ASGR1: variants seen among roughly 807,000 people sequenced by gnomAD.
The protein encoded by ASGR1 is C-type lectin domain family 4 member H1.
ASGR1 carries 35 observed loss-of-function variants against 33.1 expected under a neutral mutation model. The ratio of observed to expected loss-of-function variants is 1.06; its 90% confidence interval spans 0.81 to 1.40. The LOEUF (loss-of-function observed/expected upper bound fraction) is 1.40, where lower values mean the gene tolerates loss of function less well. Ranked by LOEUF, ASGR1 falls within the 40% of genes most tolerant of loss-of-function variation. The probability of loss-of-function intolerance (pLI) is 0.00; values close to 1 mark genes in which losing one functional copy is unlikely to be tolerated. For synonymous variants in ASGR1, 142 were observed against 152.5 expected (o/e 0.93, Z 0.51); for missense variants, 396 against 373.7 (o/e 1.06, Z -0.49).
Position 7,173,764 on chromosome 17 carries a change from G to C in ASGR1, c.771C>G (p.His257Gln). The C allele has an allele frequency of 6.2e-7, 1 of 1,613,570 alleles. No homozygotes were observed. The highest frequency in any genetic ancestry group is 8.5e-7 in the Non-Finnish European group (1 of 1,180,014). The change falls in exon 9 of 9, where the codon CAC (histidine) becomes CAG (glutamine). Residue 257 changes from histidine (H) to glutamine (Q), a missense_variant. Coordinates refer to ENST00000269299, the MANE Select transcript of ASGR1 (RefSeq NM_001671.5). The surrounding 1 kb of genome is among the most constrained non-coding windows in gnomAD (Gnocchi z 4.7). ...HGLGGGEDCAHFTDDGRWNDD... is the reference protein window; with the variant it reads ...HGLGGGEDCAQFTDDGRWNDD... Reference sequence around the variant, plus strand: ...CGTTCCAGCGGCCGTCGTCGGTGAAGTGGGCACAGTCCTCGCCTCCTCCGA... The same window carrying C: ...CGTTCCAGCGGCCGTCGTCGGTGAACTGGGCACAGTCCTCGCCTCCTCCGA...
At chr17:7,174,610 C>CAT in intron 5 of ASGR1, 150 bp from the exon 6 acceptor site, 1 of 668,990 alleles carries the variant, frequency 1.5e-6, no homozygotes, top group Non-Finnish European at 2.6e-6. Flanking sequence ...GAGAGACCCC[C>CAT]ATACACACAC....
At chr17:7,178,691 T>G in intron 1 of ASGR1, 103 bp from the exon 2 acceptor site, 1 of 650,028 alleles carries the variant, frequency 1.5e-6, no homozygotes, top group Non-Finnish European at 2.6e-6. Context: ...GGCTCCATCA[T>G]GGAGACCTTT....
chr17:7,175,454 CCA>C (rs1024174669), intron 5 of ASGR1, among the ~76,000 whole-genome samples: 3 of 149,392 alleles, frequency 2.0e-5, no homozygotes, highest in African/African-American at 7.4e-5. Flanking sequence ...CAACGCACAC[CCA>C]CACATACAAC....
chr17:7,175,824 C>T (rs570094705), intron 5 of ASGR1, among the ~76,000 whole-genome samples: 1 of 149,396 alleles, frequency 6.7e-6, no homozygotes, highest in Non-Finnish European at 1.5e-5. Context: ...CAGACACACA[C>T]TCAGACACAC....
In ASGR1 at chr17:7,173,517, C is replaced by T; in HGVS notation, c.*142G>A. 1 of 1,195,664 alleles carries T rather than the reference C, an allele frequency of 8.4e-7. No individual in the cohort carries two copies. The highest frequency in any genetic ancestry group is 1.2e-6 in the Non-Finnish European group (1 of 869,000). The allele number at this position is 1,195,664 out of a possible 1,614,324, so 74.1% of individuals were successfully genotyped here. A position where few individuals can be genotyped will look rare whatever the true frequency, so the allele number is the denominator to read the frequency against. On this transcript the variant is annotated 3_prime_UTR_variant, in exon 9 of 9. Transcript: ENST00000269299. The surrounding 1 kb of genome is among the most constrained non-coding windows in gnomAD (Gnocchi z 4.7). ...CAGAAAGCGCCACGGGTTTCAAGCT[C>T]CTCACCTTCGGAACATCACCCTATC...
At chr17:7,178,796 G>C (rs765752425) in intron 1 of ASGR1, 1 of 398,324 alleles carries the variant, frequency 2.5e-6, no homozygotes, top group Non-Finnish European at 4.4e-6. Flanking sequence ...GAGTGCAGTG[G>C]CATGATCTCA....
At position 7,179,277 on chromosome 17, in the gene ASGR1, G is replaced by C. The variant is rs1024612654; in HGVS notation, c.-113C>G. On this transcript the variant is annotated 5_prime_UTR_variant, in exon 1 of 9. Coordinates refer to ENST00000269299, the MANE Select transcript of ASGR1 (RefSeq NM_001671.5). ...GAGGGGGCTGAAGCTTGGAGAATGG[G>C]GGTGGGCGGACAGCCGTGGACAATG... 7.2e-5 allele frequency: 11 copies of C among 152,818 alleles called. No homozygotes were observed. The highest frequency in any genetic ancestry group is 2.6e-4 in the African/African-American group (11 of 41,562). 9.5% of individuals were successfully genotyped at this position (152,818 alleles called of 1,614,324 possible).
chr17:7,174,511 AGGGAAAC>A, intron 5 of ASGR1, 51 bp from the exon 6 acceptor site: 2 of 1,570,582 alleles, frequency 1.3e-6, no homozygotes, highest in Non-Finnish European at 1.7e-6. Flanking sequence ...AACCACGGGG[AGGGAAAC>A]GGGAAACGAG....
rs755610203 is a variant in ASGR1 at position 7,174,418 on chromosome 17, T to A, written c.398A>T (p.Asp133Val). The change falls in exon 6 of 9, where the codon GAC becomes GTC. Residue 133 changes from aspartate (D) to valine (V), a missense_variant. Transcript: ENST00000269299. ...LLLHVKQFVS[D>V]LRSLSCQMAA... is the part of the protein sequence containing the mutation. ...CATCTGACAGCTCAGGCTCCGCAGG[T>A]CAGACACGAACTGCTTCACGTGGAG... is the stretch of plus-strand genomic sequence containing the variant. 26 of 1,613,634 alleles carry A rather than the reference T, an allele frequency of 1.6e-5. No individual in the cohort carries two copies. The South Asian group carries it at 2.9e-4, about 18-fold the overall frequency.
At chr17:7,176,345 C>CAG in intron 5 of ASGR1, among the ~76,000 whole-genome samples, 1 of 150,636 alleles carries the variant, frequency 6.6e-6, no homozygotes, top group East Asian at 2.0e-4. Context: ...CACACTCTCA[C>CAG]ACTCACAGAC....
chr17:7,174,571 A>G, intron 5 of ASGR1, 111 bp from the exon 6 acceptor site: 1 of 1,117,194 alleles, frequency 9.0e-7, no homozygotes. Flanking sequence ...CACCCGTCGC[A>G]TTGCCACAAA....
chr17:7,174,472 G>A lies in ASGR1; in HGVS notation c.356-12C>T, dbSNP rs773075195. The A allele has an allele frequency of 6.1e-4, 982 of 1,610,178 alleles. 1 individual carries two copies. Among genetic ancestry groups the A allele is most frequent in the Non-Finnish European group, 7.9e-4 (926 of 1,178,276 alleles). The stretch of plus-strand genomic sequence containing the variant: ...CAGGCTGGAGTGATCTGGGGAGACC[G>A]GGCGGAGGGGAGCGGGAGGAGATGC... On this transcript the variant is annotated splice_polypyrimidine_tract_variant and intron_variant, in intron 5 of 8. Transcript: ENST00000269299.
In ASGR1 at chr17:7,177,331, A is replaced by C. The variant is rs1597424628; in HGVS notation, c.71-5T>G. 1.2e-6 allele frequency: 2 copies of C among 1,612,426 alleles called. No homozygotes were observed. Among genetic ancestry groups the C allele is most frequent in the Non-Finnish European group, 1.7e-6 (2 of 1,179,218 alleles). ...GGGGCTGGGGAGGAGGTGGCCCTGC[A>C]AGAGGAGGGGGTGTCAGGAGCGCGG... On this transcript the variant is annotated splice_polypyrimidine_tract_variant and splice_region_variant and intron_variant, in intron 2 of 8. Transcript: ENST00000269299.
rs770317021 is a variant in ASGR1, at chr17:7,177,039, C to G, written c.225G>C (p.Glu75Asp). ...QLQEELRGLRETFSNFTASTE... is the reference protein window; with the variant it reads ...QLQEELRGLRDTFSNFTASTE... ...TGCTCGCTGTGAAGTTGCTGAACGT[C>G]TCTCTCAGGCCCCGCAGCTCCTCCT... The change falls in exon 4 of 9, where the codon GAG (glutamate) becomes GAC (aspartate). Residue 75 changes from glutamate to aspartate, a missense_variant. Physicochemically the swap from Glu to Asp is conservative, Grantham distance 45. Transcript: ENST00000269299. 6 of 1,613,258 alleles carry G rather than the reference C, an allele frequency of 3.7e-6. No individual in the cohort carries two copies. Among genetic ancestry groups the G allele is most frequent in the African/African-American group, 1.3e-5 (1 of 74,782 alleles).
rs1491555265 is a variant in ASGR1, at chr17:7,176,051, CAG to C, written c.355+777_355+778del. Among the ~76,000 whole-genome samples the C allele has an allele frequency of 6.6e-3, 964 of 146,916 alleles. 10 individuals carry two copies. Among genetic ancestry groups the C allele is most frequent in the African/African-American group, 0.022 (837 of 38,612 alleles). ...ACACACACCCACTCCCTCATTCACACAGACTCACACACCCATCCACTCCTTCT... is the reference window on the plus strand; with the variant it reads ...ACACACACCCACTCCCTCATTCACACACTCACACACCCATCCACTCCTTCT... On this transcript the variant is annotated intron_variant, in intron 5 of 8. Coordinates refer to ENST00000269299, the MANE Select transcript of ASGR1 (RefSeq NM_001671.5).
At chr17:7,174,535 C>A in intron 5 of ASGR1, 75 bp from the exon 6 acceptor site, 1 of 1,459,448 alleles carries the variant, frequency 6.9e-7, no homozygotes, top group South Asian at 1.3e-5. Context: ...CGAGGTCAGC[C>A]CTACATCCTC....
intron 5 of ASGR1, among the ~76,000 whole-genome samples, chr17:7,174,976 CACACAT>C (rs1299635326): frequency 6.7e-6 from 1 of 149,906 alleles, no homozygotes; most frequent in Non-Finnish European, 1.5e-5. Context: ...CACCCTTACA[CACACAT>C]ACATAGACAC....
At chr17:7,177,558 C>G in intron 2 of ASGR1, 1 of 510,210 alleles carries the variant, frequency 2.0e-6, no homozygotes, top group South Asian at 2.7e-5. Flanking sequence ...CACCGAGGCC[C>G]TGAGCTTTTG....
Position 7,177,012 on chromosome 17 carries a change from C to T in ASGR1, c.252G>A (p.Thr84=), listed in dbSNP as rs2069225818. ...RETFSNFTAS[T]EAQVKGLSTQ... ...TGCTCAAGCCCTTGACCTGGGCCTC[C>T]GTGCTCGCTGTGAAGTTGCTGAACG... is the stretch of plus-strand genomic sequence containing the variant. The change falls in exon 4 of 9, where the codon ACG becomes ACA. Residue 84 remains threonine (T), a synonymous_variant. Coordinates refer to ENST00000269299, the MANE Select transcript of ASGR1 (RefSeq NM_001671.5). The T allele has an allele frequency of 2.5e-6, 4 of 1,612,692 alleles. No individual in the cohort carries two copies. In the South Asian group the frequency reaches 4.4e-5, roughly 18 times the overall value.
Sources: gnomAD v4.1 joint callset for allele counts (sites outside exome capture counted in the v4.1 genomes callset) on GRCh38, gnomAD v4.1.1 for gene constraint, Gnocchi (gnomAD v3.1) non-coding constraint, MANE v1.5 for transcripts, NCBI Gene and HGNC (gene_info 2026-07-23, HGNC 2026-07-21) for gene names.